The following ZBTB43 variants were observed in gnomAD, a reference collection of about 807,000 sequenced individuals.
ZBTB43 encodes the protein zinc finger and BTB domain containing 43, also known as zinc finger and BTB domain-containing protein 43.
Under a neutral mutation model 31.1 loss-of-function variants are expected in ZBTB43, and 6 were observed. The ratio of observed to expected loss-of-function variants is 0.19; its 90% confidence interval spans 0.11 to 0.38. ZBTB43 has a LOEUF of 0.38. Ranked by LOEUF, ZBTB43 falls within the 10% of genes least tolerant of loss-of-function variation. ZBTB43 has a pLI of 1.00. For missense variants in ZBTB43, 379 were observed against 602.1 expected (o/e 0.63, Z 3.88); for synonymous variants, 212 against 221.7 (o/e 0.96, Z 0.39).
At chr9:126,811,358 T>C (rs374458429) in intron 2 of ZBTB43, among the ~76,000 whole-genome samples, 59 of 152,328 alleles carry the variant, frequency 3.9e-4, no homozygotes, top group African/African-American at 1.4e-3. Context: ...TTGCTTAGCT[T>C]TTTTGTCTAT....
At chr9:126,830,329 GTC>G (rs2119164199) in intron 2 of ZBTB43, among the ~76,000 whole-genome samples, 1 of 152,350 alleles carries the variant, frequency 6.6e-6, no homozygotes, top group South Asian at 2.1e-4. Flanking sequence ...TGTCTGGGTT[GTC>G]TGGCTCTTTT....
At position 126,838,008 on chromosome 9, in the gene ZBTB43, G is replaced by A. The variant is rs1477401340; in HGVS notation, c.*4095G>A. 1 of 166,888 alleles carries A rather than the reference G, an allele frequency of 6.0e-6. No homozygotes were observed. The highest frequency in any genetic ancestry group is 1.9e-4 in the East Asian group (1 of 5,190). 10.3% of individuals were successfully genotyped at this position (166,888 alleles called of 1,614,324 possible). On this transcript the variant is annotated 3_prime_UTR_variant, in exon 3 of 3. Coordinates refer to ENST00000373464, the MANE Select transcript of ZBTB43 (RefSeq NM_014007.4). The stretch of plus-strand genomic sequence containing the variant: ...TTGATGATAAACAGATTATCATTAG[G>A]TGCATATCTTATTGATATTTTGTGA...
In ZBTB43 at chr9:126,836,155, A is replaced by T. The variant is rs1352880611; in HGVS notation, c.*2242A>T. On this transcript the variant is annotated 3_prime_UTR_variant, in exon 3 of 3. Transcript: ENST00000373464. ...AAGTCTGAGAGGTAAAAATACAGAT[A>T]TTCTGGGAGAGTCGTGGTCCTTCAG... The T allele has an allele frequency of 6.0e-6, 1 of 167,094 alleles. No homozygotes were observed. The highest frequency in any genetic ancestry group is 2.4e-5 in the African/African-American group (1 of 41,444). The allele number at this position is 167,094 out of a possible 1,614,324, so 10.4% of individuals were successfully genotyped here. A position where few individuals can be genotyped will look rare whatever the true frequency, so the allele number is the denominator to read the frequency against.
rs534862203 is a variant in ZBTB43 at position 126,808,902 on chromosome 9, C to G, written c.-37C>G. ...CATAAGGAACTCTATCCCAGGAATA[C>G]AGCTTTGCATTAGGTAAGCTATCAA... On this transcript the variant is annotated 5_prime_UTR_variant, in exon 2 of 3. Transcript: ENST00000373464. 1 of 152,308 alleles carries G rather than the reference C, an allele frequency of 6.6e-6. No homozygotes were observed. The highest frequency in any genetic ancestry group is 1.9e-4 in the East Asian group (1 of 5,188). The allele number at this position is 152,308 out of a possible 1,614,324, so 9.4% of individuals were successfully genotyped here. A position where few individuals can be genotyped will look rare whatever the true frequency, so the allele number is the denominator to read the frequency against.
Position 126,837,191 on chromosome 9 carries a change from C to CTG in ZBTB43, c.*3278_*3279insTG, listed in dbSNP as rs2032899760. On this transcript the variant is annotated 3_prime_UTR_variant, in exon 3 of 3. Coordinates refer to ENST00000373464, the MANE Select transcript of ZBTB43 (RefSeq NM_014007.4). The stretch of plus-strand genomic sequence containing the variant: ...AATCCACGTGGTGAAGTGCATGTCA[C>CTG]CGTTAACTAAGGAAGGACTGCGGTA... The CTG allele has an allele frequency of 6.0e-6, 1 of 167,026 alleles. No homozygotes were observed. The highest frequency in any genetic ancestry group is 1.5e-5 in the Non-Finnish European group (1 of 68,114). The allele number at this position is 167,026 out of a possible 1,614,324, so 10.3% of individuals were successfully genotyped here.
chr9:126,826,200 G>C (rs1217965620), intron 2 of ZBTB43, among the ~76,000 whole-genome samples: 1 of 151,150 alleles, frequency 6.6e-6, no homozygotes, highest in Non-Finnish European at 1.5e-5. Context: ...TTTTAGTAGA[G>C]ATGGGGTTTC....
rs1360165307 is a variant in ZBTB43 at position 126,833,672 on chromosome 9, A to ATCG, written c.1164_1166dup (p.Arg389dup). The ATCG allele has an allele frequency of 6.2e-7, 1 of 1,611,212 alleles. No homozygotes were observed. Among genetic ancestry groups the ATCG allele is most frequent in the African/African-American group, 1.3e-5 (1 of 74,866 alleles). ...AGTTTCACTCACAAGAGTCAGAGAGATCGGCACATGAGCATGCACCTCGGT... is the reference window on the plus strand; with the variant it reads ...AGTTTCACTCACAAGAGTCAGAGAGATCGTCGGCACATGAGCATGCACCTCGGT... On this transcript the variant is annotated inframe_insertion, in exon 3 of 3. Coordinates refer to ENST00000373464, the MANE Select transcript of ZBTB43 (RefSeq NM_014007.4). The surrounding 1 kb of genome is among the most constrained non-coding windows in gnomAD (Gnocchi z 7.9).
intron 2 of ZBTB43, among the ~76,000 whole-genome samples, chr9:126,809,892 G>A (rs1313978983): frequency 6.6e-6 from 1 of 151,482 alleles, no homozygotes; most frequent in Non-Finnish European, 1.5e-5. Flanking sequence ...CTAGAGTGCA[G>A]TGGCAGGATC....
At chr9:126,831,806 AAATT>A (rs1483157634) in intron 2 of ZBTB43, 43 of 151,906 alleles carry the variant, frequency 2.8e-4, no homozygotes, top group African/African-American at 9.2e-4. Context: ...CAAAAAAAAA[AAATT>A]AACCAGGTGT....
chr9:126,804,695 G>A (rs1433767942), upstream of ZBTB43, among the ~76,000 whole-genome samples: 2 of 152,228 alleles, frequency 1.3e-5, no homozygotes, highest in African/African-American at 2.4e-5. Flanking sequence ...ATGTTGGCCA[G>A]GATGGTCTCG....
chr9:126,832,446 C>T, intron 2 of ZBTB43, 41 bp from the exon 3 acceptor site: 1 of 1,527,678 alleles, frequency 6.5e-7, no homozygotes, highest in South Asian at 1.3e-5. Flanking sequence ...ATAAGTTTAT[C>T]TTTGGGCTGG....
At position 126,833,790 on chromosome 9, in the gene ZBTB43, G is replaced by A. The variant is rs367808709; in HGVS notation, c.1281G>A (p.Pro427=). The change falls in exon 3 of 3, where the codon CCG becomes CCA. Residue 427 remains proline (P), a synonymous_variant. Coordinates refer to ENST00000373464, the MANE Select transcript of ZBTB43 (RefSeq NM_014007.4). This position sits in a 1 kb window ranked among gnomAD's most constrained non-coding sequence, Gnocchi z 7.9. ...GHMKIHTGIK[P]YECNICAKRF... ...TGAAAATTCACACAGGCATAAAGCC[G>A]TATGAGTGTAATATCTGTGCAAAGA... The A allele has an allele frequency of 1.3e-4, 209 of 1,611,846 alleles. No homozygotes were observed. The highest frequency in any genetic ancestry group is 1.4e-4 in the Non-Finnish European group (163 of 1,178,072).
Position 126,835,276 on chromosome 9 carries a change from C to T in ZBTB43, c.*1363C>T, listed in dbSNP as rs1040445290. On this transcript the variant is annotated 3_prime_UTR_variant, in exon 3 of 3. Transcript: ENST00000373464. ...GCAACTATTCTGAGACCTTTTCTGC[C>T]CATCAGTTAGATGATTTAGGTTAAA... 1 of 166,858 alleles carries T rather than the reference C, an allele frequency of 6.0e-6. No individual in the cohort carries two copies. Among genetic ancestry groups the T allele is most frequent in the Non-Finnish European group, 1.5e-5 (1 of 68,088 alleles). The allele number at this position is 166,858 out of a possible 1,614,324, so 10.3% of individuals were successfully genotyped here. A position where few individuals can be genotyped will look rare whatever the true frequency, so the allele number is the denominator to read the frequency against.
At position 126,837,853 on chromosome 9, in the gene ZBTB43, T is replaced by TA. The variant is rs1554744381; in HGVS notation, c.*3940_*3941insA. 34 of 166,114 alleles carry TA rather than the reference T, an allele frequency of 2.0e-4. No individual in the cohort carries two copies. The East Asian group carries it at 5.7e-3, about 28-fold the overall frequency. The allele number at this position is 166,114 out of a possible 1,614,324, so 10.3% of individuals were successfully genotyped here. A position where few individuals can be genotyped will look rare whatever the true frequency, so the allele number is the denominator to read the frequency against. ...GCAAATGTGACTTTTTTTTTTTTTT[T>TA]TAATTTTTGCTTGAAGCCTGTGTCA... On this transcript the variant is annotated 3_prime_UTR_variant, in exon 3 of 3. Coordinates refer to ENST00000373464, the MANE Select transcript of ZBTB43 (RefSeq NM_014007.4).
intron 2 of ZBTB43, among the ~76,000 whole-genome samples, chr9:126,823,102 A>G (rs1241482658): frequency 6.6e-6 from 1 of 152,160 alleles, no homozygotes; most frequent in East Asian, 1.9e-4. Context: ...ATGCCTGTAT[A>G]TGTCTTTATA....
At chr9:126,820,565 T>C (rs187169920) in intron 2 of ZBTB43, among the ~76,000 whole-genome samples, 485 of 152,344 alleles carry the variant, frequency 3.2e-3, no homozygotes, top group Admixed American at 5.6e-3. Flanking sequence ...AGAGCTCTGA[T>C]GGAGATGTAC....
rs910867675 is a variant in ZBTB43 at position 126,809,874 on chromosome 9, C to T, written c.-24+959C>T. Among the ~76,000 whole-genome samples, 48 of 150,470 alleles carry T rather than the reference C, an allele frequency of 3.2e-4. 1 individual carries two copies. Among genetic ancestry groups the T allele is most frequent in the Non-Finnish European group, 3.1e-4 (21 of 67,886 alleles). On this transcript the variant is annotated intron_variant, in intron 2 of 2. Coordinates refer to ENST00000373464, the MANE Select transcript of ZBTB43 (RefSeq NM_014007.4). ...TTTTTGAGACAGAGTCTCGCTTTGTCGCCCAGGCTAGAGTGCAGTGGCAGG... is the reference window on the plus strand; with the variant it reads ...TTTTTGAGACAGAGTCTCGCTTTGTTGCCCAGGCTAGAGTGCAGTGGCAGG...
At chr9:126,809,612 G>A (rs537731242) in intron 2 of ZBTB43, among the ~76,000 whole-genome samples, 5 of 152,092 alleles carry the variant, frequency 3.3e-5, no homozygotes, top group South Asian at 2.1e-4. Flanking sequence ...TTCCTCAGCC[G>A]AATAATAAAT....
chr9:126,830,266 T>C (rs778323551), intron 2 of ZBTB43, among the ~76,000 whole-genome samples: 1 of 152,236 alleles, frequency 6.6e-6, no homozygotes, highest in Non-Finnish European at 1.5e-5. Flanking sequence ...CAAGAAACCT[T>C]CATTTCTTCT....
Sources: gnomAD v4.1 joint callset for allele counts (sites outside exome capture counted in the v4.1 genomes callset) on GRCh38, gnomAD v4.1.1 for gene constraint, Gnocchi (gnomAD v3.1) non-coding constraint, MANE v1.5 for transcripts, NCBI Gene and HGNC (gene_info 2026-07-23, HGNC 2026-07-21) for gene names.